The following GRID2 variants were observed in gnomAD, a reference collection of about 807,000 sequenced individuals.
GRID2 encodes glutamate receptor ionotropic, delta-2.
A neutral mutation model predicts 114.8 loss-of-function variants in GRID2; 33 were observed. That is an observed-to-expected ratio of 0.29 (90% CI 0.22 to 0.38). GRID2 has a LOEUF of 0.38. Ranked by LOEUF, GRID2 falls within the 10% of genes least tolerant of loss-of-function variation. The pLI, the probability that GRID2 is intolerant of heterozygous loss-of-function variation, is 1.00. For synonymous variants in GRID2, 505 were observed against 449.9 expected, an observed-to-expected ratio of 1.12 and a Z score of -1.55; for missense variants, 1,184 against 1,257.7, an observed-to-expected ratio of 0.94 and a Z score of 0.89.
intron 2 of GRID2, among the ~76,000 whole-genome samples, chr4:92,969,140 T>TA (rs1753337462): frequency 6.6e-6 from 1 of 151,656 alleles, no homozygotes; most frequent in Non-Finnish European, 1.5e-5. Context: ...CGTGTTTGCT[T>TA]AAATAATTAT....
At chr4:92,340,795 T>A (rs968719791) in intron 1 of GRID2, among the ~76,000 whole-genome samples, 1 of 152,344 alleles carries the variant, frequency 6.6e-6, no homozygotes, top group South Asian at 2.1e-4. Context: ...AACCTGTGCC[T>A]GTGGCTTATT....
intron 4 of GRID2, among the ~76,000 whole-genome samples, chr4:93,181,589 G>A (rs572488476): frequency 6.6e-5 from 10 of 152,110 alleles, no homozygotes; most frequent in Admixed American, 2.0e-4. Flanking sequence ...AGCCACCATC[G>A]TCAATGATCT....
At chr4:92,953,462 G>T (rs1212285312) in intron 2 of GRID2, among the ~76,000 whole-genome samples, 1 of 152,088 alleles carries the variant, frequency 6.6e-6, no homozygotes, top group Non-Finnish European at 1.5e-5. Context: ...AAATTGAGCT[G>T]AACTCATCTG....
At chr4:93,383,209 G>A (rs1309465640) in intron 8 of GRID2, among the ~76,000 whole-genome samples, 2 of 152,080 alleles carry the variant, frequency 1.3e-5, no homozygotes, top group Non-Finnish European at 2.9e-5. Context: ...TGGAGGGGAG[G>A]TGCAACAACA....
At chr4:92,501,715 A>G (rs1723691551) in intron 1 of GRID2, among the ~76,000 whole-genome samples, 1 of 152,134 alleles carries the variant, frequency 6.6e-6, no homozygotes, top group South Asian at 2.1e-4. Context: ...AGTTCCTACT[A>G]GGTCGGAGTG....
intron 1 of GRID2, among the ~76,000 whole-genome samples, chr4:92,379,982 G>A (rs61323657): frequency 0.026 from 3,968 of 151,948 alleles, 175 homozygotes; most frequent in African/African-American, 0.091. Flanking sequence ...AATATCGTTT[G>A]TTGTAAGCAA....
chr4:93,432,456 A>G (rs1343265543), intron 10 of GRID2, among the ~76,000 whole-genome samples: 2 of 152,200 alleles, frequency 1.3e-5, no homozygotes, highest in Non-Finnish European at 2.9e-5. Context: ...CAGGTGAAGT[A>G]TGAGTGAAGA....
chr4:92,518,060 C>A (rs1724589106), intron 1 of GRID2, among the ~76,000 whole-genome samples: 1 of 151,820 alleles, frequency 6.6e-6, no homozygotes, highest in Non-Finnish European at 1.5e-5. Flanking sequence ...CTTTTCCCCA[C>A]CCATACCCCA....
intron 10 of GRID2, among the ~76,000 whole-genome samples, chr4:93,448,181 G>T (rs907354803): frequency 6.6e-6 from 1 of 151,762 alleles, no homozygotes; most frequent in Non-Finnish European, 1.5e-5. Context: ...ATAGGATATC[G>T]TAATGCACTT....
In GRID2 at chr4:92,600,044, G is replaced by GTATATATATATATA. The variant is rs70942915; in HGVS notation, c.244+9790_244+9803dup. 1.0e-3 allele frequency among the ~76,000 whole-genome samples: 57 copies of GTATATATATATATA among 54,416 alleles called. 1 individual carries two copies. The highest frequency in any genetic ancestry group is 1.3e-3 in the Admixed American group (5 of 3,826). 35.7% of individuals were successfully genotyped at this position (54,416 alleles called of 152,430 possible). A position where few individuals can be genotyped will look rare whatever the true frequency, so the allele number is the denominator to read the frequency against. On this transcript the variant is annotated intron_variant, in intron 2 of 15. Coordinates refer to ENST00000282020, the MANE Select transcript of GRID2 (RefSeq NM_001510.4). ...CATGTATGTGTGTGTGTGTGTGTGT[G>GTATATATATATATA]TATATATATATATATATATATATAT... is the stretch of plus-strand genomic sequence containing the variant.
At chr4:92,694,682 A>C (rs527334198) in intron 2 of GRID2, among the ~76,000 whole-genome samples, 4 of 152,306 alleles carry the variant, frequency 2.6e-5, no homozygotes, top group African/African-American at 9.6e-5. Context: ...GCACAAGTTG[A>C]CATCTTGCTT....
chr4:93,802,098 G>A lies in GRID2; in HGVS notation c.222-4617G>A, dbSNP rs1374642452. 3.3e-5 allele frequency among the ~76,000 whole-genome samples: 5 copies of A among 152,172 alleles called. No homozygotes were observed. In the East Asian group the frequency reaches 5.8e-4, roughly 18 times the overall value. Reference sequence around the variant, plus strand: ...TTCAGACCTGTATGCTTATGTTTCCGATTCCTGGGAAGTTCTTTCTGCCGC... The same window carrying A: ...TTCAGACCTGTATGCTTATGTTTCCAATTCCTGGGAAGTTCTTTCTGCCGC... On this transcript the variant is annotated intron_variant, in intron 1 of 1. Coordinates refer to the GRID2 transcript ENST00000637838.
intron 11 of GRID2, among the ~76,000 whole-genome samples, chr4:93,480,811 T>G (rs2149446380): frequency 6.6e-6 from 1 of 152,170 alleles, no homozygotes; most frequent in Admixed American, 6.5e-5. Context: ...CATGCATTTT[T>G]TAATGTCTTT....
chr4:93,190,609 T>A (rs1480760737), intron 4 of GRID2, among the ~76,000 whole-genome samples: 2 of 152,178 alleles, frequency 1.3e-5, no homozygotes. Flanking sequence ...GTTTCCTTTT[T>A]AAGTTTCTTA....
At chr4:92,794,373 T>C (rs1739749022) in intron 2 of GRID2, among the ~76,000 whole-genome samples, 1 of 151,898 alleles carries the variant, frequency 6.6e-6, no homozygotes, top group South Asian at 2.1e-4. Flanking sequence ...TATATATGTG[T>C]GTATATACAT....
At chr4:93,279,915 G>C (rs145837622) in intron 8 of GRID2, among the ~76,000 whole-genome samples, 1 of 151,930 alleles carries the variant, frequency 6.6e-6, no homozygotes, top group Non-Finnish European at 1.5e-5. Flanking sequence ...CATTGTATGC[G>C]AAACTGCGGA....
chr4:92,345,693 A>G (rs1017334219), intron 1 of GRID2, among the ~76,000 whole-genome samples: 4 of 152,234 alleles, frequency 2.6e-5, no homozygotes, highest in African/African-American at 4.8e-5. Context: ...AAAATTATCT[A>G]TAACGATTTC....
At chr4:93,433,127 T>G (rs946037566) in intron 10 of GRID2, among the ~76,000 whole-genome samples, 2 of 152,192 alleles carry the variant, frequency 1.3e-5, no homozygotes, top group Non-Finnish European at 2.9e-5. Context: ...TGCAACATAG[T>G]AATAATAGGG....
At chr4:92,906,797 T>A (rs1747993848) in intron 2 of GRID2, among the ~76,000 whole-genome samples, 1 of 152,014 alleles carries the variant, frequency 6.6e-6, no homozygotes. Context: ...CTTTAAGCCT[T>A]TTCCCCTAGA....
Sources: gnomAD v4.1 joint callset for allele counts (sites outside exome capture counted in the v4.1 genomes callset) on GRCh38, gnomAD v4.1.1 for gene constraint, MANE v1.5 for transcripts, NCBI Gene and HGNC (gene_info 2026-07-23, HGNC 2026-07-21) for gene names.